DGKI: variants seen among roughly 807,000 people sequenced by gnomAD.
The protein encoded by DGKI is DAG kinase iota.
Under a neutral mutation model 147.5 loss-of-function variants are expected in DGKI, and 55 were observed. The ratio of observed to expected loss-of-function variants is 0.37; its 90% CI spans 0.30 to 0.47. The LOEUF (loss-of-function observed/expected upper bound fraction) is 0.47, where lower values mean the gene tolerates loss of function less well. DGKI is among the 20% of genes least tolerant of loss of function. DGKI has a pLI of 1.00. For missense variants in DGKI, 1,007 were observed against 1,323.8 expected (o/e 0.76, Z 3.71); for synonymous variants, 469 against 477.1 (o/e 0.98, Z 0.22).
chr7:137,436,105 G>A (rs189914368), intron 28 of DGKI, among the ~76,000 whole-genome samples: 14 of 152,116 alleles, frequency 9.2e-5, no homozygotes, highest in Non-Finnish European at 1.5e-4. Context: ...TTCTTTACTC[G>A]TAGTCATCAT....
chr7:137,831,252 G>A (rs138490993), intron 1 of DGKI, among the ~76,000 whole-genome samples: 1 of 152,154 alleles, frequency 6.6e-6, no homozygotes, highest in Admixed American at 6.5e-5. Context: ...TAAACAAAAA[G>A]GAATTTTATC....
At chr7:137,763,093 A>G (rs1034240618) in intron 1 of DGKI, among the ~76,000 whole-genome samples, 1 of 152,218 alleles carries the variant, frequency 6.6e-6, no homozygotes, top group African/African-American at 2.4e-5. Context: ...TACAGAGTCC[A>G]CATGAGAATT....
intron 27 of DGKI, 64 bp downstream of exon 27, chr7:137,463,425 A>G (rs1006950158): frequency 6.3e-7 from 1 of 1,592,664 alleles, no homozygotes; most frequent in South Asian, 1.1e-5. Flanking sequence ...GGCACAGCCC[A>G]CAGTACATCC....
intron 10 of DGKI, 36 bp from the exon 11 acceptor site, chr7:137,599,941 GAAGA>G: frequency 6.5e-7 from 1 of 1,542,578 alleles, no homozygotes; most frequent in Non-Finnish European, 8.9e-7. Flanking sequence ...GCAATAATAG[GAAGA>G]AATTTCCCAA....
chr7:137,419,867 CA>C (rs779352757), intron 28 of DGKI, among the ~76,000 whole-genome samples: 4 of 152,136 alleles, frequency 2.6e-5, no homozygotes, highest in Non-Finnish European at 5.9e-5. Context: ...CATATTAGAA[CA>C]GATTTAAGAT....
intron 12 of DGKI, among the ~76,000 whole-genome samples, chr7:137,595,608 T>A (rs1819761009): frequency 6.6e-6 from 1 of 152,186 alleles, no homozygotes; most frequent in Non-Finnish European, 1.5e-5. Flanking sequence ...CTTTATCTTT[T>A]ATTCATTGGA....
intron 3 of DGKI, among the ~76,000 whole-genome samples, chr7:137,664,377 C>CAAAAAAAAAAAAAAAAAAAA (rs1190186766): frequency 1.8e-5 from 1 of 56,032 alleles, no homozygotes; most frequent in Non-Finnish European, 5.3e-5. Flanking sequence ...GACTCCATCT[C>CAAAAAAAAAAAAAAAAAAAA]AAAAAAAAAA....
chr7:137,552,975 T>A (rs1818102094), intron 19 of DGKI, among the ~76,000 whole-genome samples: 1 of 151,830 alleles, frequency 6.6e-6, no homozygotes, highest in Non-Finnish European at 1.5e-5. Context: ...AACCAAGGAG[T>A]CTCTGATAAA....
At chr7:137,776,240 G>C (rs1427047316) in intron 1 of DGKI, among the ~76,000 whole-genome samples, 3 of 152,200 alleles carry the variant, frequency 2.0e-5, no homozygotes, top group African/African-American at 7.2e-5. Flanking sequence ...GTGTTTCCCT[G>C]TTTCAAATCA....
At chr7:137,616,328 A>T (rs1563113505) in intron 8 of DGKI, among the ~76,000 whole-genome samples, 1 of 152,212 alleles carries the variant, frequency 6.6e-6, no homozygotes. Flanking sequence ...AAACTTTCCT[A>T]ACACATATAA....
chr7:137,638,630 G>GTATATATACACATATATACATA (rs1563126007), intron 6 of DGKI, among the ~76,000 whole-genome samples: 1 of 4,058 alleles, frequency 2.5e-4, no homozygotes, highest in Admixed American at 3.8e-3. Flanking sequence ...ACATATATAT[G>GTATATATACACATATATACATA]TGTGTATATA....
intron 1 of DGKI, among the ~76,000 whole-genome samples, chr7:137,838,732 C>T (rs993401746): frequency 3.0e-4 from 46 of 152,132 alleles, no homozygotes; most frequent in African/African-American, 1.1e-3. Flanking sequence ...AGTCCTGAGC[C>T]GTTTTATTTG....
chr7:137,825,122 C>A (rs2117048176), intron 1 of DGKI, among the ~76,000 whole-genome samples: 1 of 152,344 alleles, frequency 6.6e-6, no homozygotes, highest in Non-Finnish European at 1.5e-5. Context: ...GGAATTGCCA[C>A]ACTGTCTTCC....
chr7:137,793,394 G>C (rs7792886), intron 1 of DGKI, among the ~76,000 whole-genome samples: 3 of 151,332 alleles, frequency 2.0e-5, no homozygotes, highest in South Asian at 2.1e-4. Context: ...TCCACCTCCC[G>C]GGTTCAAGCG....
At chr7:137,609,787 C>T (rs1820306279) in intron 8 of DGKI, among the ~76,000 whole-genome samples, 178 bp from the exon 9 acceptor site, 2 of 152,076 alleles carry the variant, frequency 1.3e-5, no homozygotes, top group African/African-American at 4.8e-5. Flanking sequence ...TCGAGTGCTT[C>T]AGAGTAAGCG....
At chr7:137,606,368 G>A (rs1233633708) in intron 10 of DGKI, among the ~76,000 whole-genome samples, 1 of 151,970 alleles carries the variant, frequency 6.6e-6, no homozygotes, top group African/African-American at 2.4e-5. Context: ...AAGGAGATAG[G>A]AATCCTTTAT....
rs141718521 is a variant in DGKI at position 137,391,358 on chromosome 7, A to C, written c.3058-22T>G. ...TACCCTATACGAAAATAGTGAGAAA[A>C]AAAAAAAGAGAGAGAGAGATAGACA... On this transcript the variant is annotated intron_variant, in intron 32 of 32. Coordinates refer to ENST00000614521, the MANE Select transcript of DGKI (RefSeq NM_001321708.2). The C allele has an allele frequency of 2.1e-4, 317 of 1,477,546 alleles. 3 individuals are homozygous for C. The African/African-American group carries it at 4.0e-3, about 19-fold the overall frequency. 91.5% of individuals were successfully genotyped at this position (1,477,546 alleles called of 1,614,324 possible).
chr7:137,536,112 A>G (rs879395667), intron 20 of DGKI, among the ~76,000 whole-genome samples: 2 of 152,188 alleles, frequency 1.3e-5, no homozygotes, highest in African/African-American at 2.4e-5. Flanking sequence ...ATTAAAATAT[A>G]TAAATAATAG....
chr7:137,617,124 C>CAAAAAA (rs60654879), intron 8 of DGKI, among the ~76,000 whole-genome samples: 5 of 48,112 alleles, frequency 1.0e-4, no homozygotes, highest in African/African-American at 1.1e-4. Flanking sequence ...TCCCTTTTAC[C>CAAAAAA]AAAAAAAAAA....
Sources: gnomAD v4.1 joint callset for allele counts (sites outside exome capture counted in the v4.1 genomes callset) on GRCh38, gnomAD v4.1.1 for gene constraint, MANE v1.5 for transcripts, NCBI Gene and HGNC (gene_info 2026-07-23, HGNC 2026-07-21) for gene names.